Variants in MYO10 observed in about 807,000 individuals in gnomAD.
The protein encoded by MYO10 is myosin X.
MYO10 carries 133 observed loss-of-function variants against 257.3 expected under a neutral mutation model. That is an observed-to-expected ratio of 0.52 (90% CI 0.45 to 0.60). The LOEUF (loss-of-function observed/expected upper bound fraction) is 0.60, where lower values mean the gene tolerates loss of function less well. MYO10 is among the 20% of genes least tolerant of loss of function. The probability of loss-of-function intolerance (pLI) is 0.00; values close to 1 mark genes in which losing one functional copy is unlikely to be tolerated. For missense variants in MYO10, 2,399 were observed against 2,635.7 expected (o/e 0.91, Z 1.97); for synonymous variants, 1,104 against 1,028.6 (o/e 1.07, Z -1.40).
chr5:16,859,289 G>A (rs1161674591), intron 2 of MYO10, among the ~76,000 whole-genome samples: 1 of 152,176 alleles, frequency 6.6e-6, no homozygotes, highest in East Asian at 1.9e-4. Context: ...GTTCATAGAT[G>A]GGACCTTGTA....
intron 9 of MYO10, among the ~76,000 whole-genome samples, chr5:16,777,383 G>A (rs1741251097): frequency 6.6e-6 from 1 of 152,166 alleles, no homozygotes; most frequent in Non-Finnish European, 1.5e-5. Context: ...TCAACTTAAG[G>A]AGACACATGT....
At position 16,701,596 on chromosome 5, in the gene MYO10, T is replaced by C. The variant is rs946875708; in HGVS notation, c.2799A>G (p.Glu933=). The part of the protein sequence containing the change: ...RDQELRRLEE[E]ACRAAQEFLE... ...GGAACTCCTGGGCCGCCCTGCACGCTTCCTCCTCCAGCCTGCGGAGCTCCT... is the reference window on the plus strand; with the variant it reads ...GGAACTCCTGGGCCGCCCTGCACGCCTCCTCCTCCAGCCTGCGGAGCTCCT... The change falls in exon 25 of 41, where the codon GAA becomes GAG. Residue 933 remains glutamate (E), a synonymous_variant. Transcript: ENST00000513610. The surrounding 1 kb of genome is among the most constrained non-coding windows in gnomAD (Gnocchi z 8.1). 8 of 1,613,470 alleles carry C rather than the reference T, an allele frequency of 5.0e-6. No individual in the cohort carries two copies. Among genetic ancestry groups the C allele is most frequent in the Non-Finnish European group, 6.8e-6 (8 of 1,179,772 alleles).
At chr5:16,687,517 A>AAT (rs1008418604) in intron 28 of MYO10, among the ~76,000 whole-genome samples, 22 of 151,436 alleles carry the variant, frequency 1.5e-4, no homozygotes, top group African/African-American at 4.4e-4. Flanking sequence ...TAAGACACAA[A>AAT]ATATATATAT....
At chr5:16,720,145 A>G (rs773248973) in intron 19 of MYO10, among the ~76,000 whole-genome samples, 1 of 152,082 alleles carries the variant, frequency 6.6e-6, no homozygotes, top group African/African-American at 2.4e-5. Context: ...GGCCCTTCCC[A>G]GATTAGATCT....
Position 16,699,487 on chromosome 5 carries a change from G to A in MYO10, c.3519C>T (p.Val1173=). The A allele has an allele frequency of 6.2e-7, 1 of 1,613,842 alleles. No homozygotes were observed. The highest frequency in any genetic ancestry group is 8.5e-7 in the Non-Finnish European group (1 of 1,179,866). Residue 1173 remains valine (V), a synonymous_variant, in exon 26 of 41, where the codon GTC becomes GTT. Transcript: ENST00000513610. ...SYRRDSVYSC[V]TLPYFHSFLY... is the part of the protein sequence containing the mutation. The stretch of plus-strand genomic sequence containing the variant: ...GAAAGCTGTGGAAATACGGCAGAGT[G>A]ACACAGCTGTACACAGAGTCACGCC...
At chr5:16,690,004 T>A in intron 27 of MYO10, 85 bp from the exon 28 acceptor site, 2 of 986,780 alleles carry the variant, frequency 2.0e-6, no homozygotes, top group Non-Finnish European at 3.2e-6. Flanking sequence ...AGCCAATGAC[T>A]AGAGTTGGGA....
intron 4 of MYO10, among the ~76,000 whole-genome samples, 196 bp downstream of exon 4, chr5:16,794,450 G>A (rs77008474): frequency 0.019 from 2,945 of 151,392 alleles, 90 homozygotes; most frequent in African/African-American, 0.068. Context: ...CAAGCAACAT[G>A]GTCCATCTGC....
At chr5:16,687,495 G>T (rs964074023) in intron 28 of MYO10, among the ~76,000 whole-genome samples, 11 of 151,114 alleles carry the variant, frequency 7.3e-5, no homozygotes, top group African/African-American at 2.7e-4. Flanking sequence ...TCCTTCTCCT[G>T]CTGGGGGCTT....
At position 16,818,397 on chromosome 5, in the gene MYO10, T is replaced by TATATATATATATAC. The variant is rs1561000827; in HGVS notation, c.121-231_121-230insGTATATATATATAT. Among the ~76,000 whole-genome samples the TATATATATATATAC allele has an allele frequency of 1.1e-4, 13 of 113,748 alleles. 1 individual carries two copies. Among genetic ancestry groups the TATATATATATATAC allele is most frequent in the Middle Eastern group, 8.2e-3 (2 of 244 alleles). The allele number at this position is 113,748 out of a possible 152,430, so 74.6% of individuals were successfully genotyped here. A position where few individuals can be genotyped will look rare whatever the true frequency, so the allele number is the denominator to read the frequency against. On this transcript the variant is annotated intron_variant, in intron 2 of 40. Transcript: ENST00000513610. ...GTGTGTGTGCGTGTGTGTGTGTGTGTGTGTGTGTGTGTGTATATATATATA... is the reference window on the plus strand; with the variant it reads ...GTGTGTGTGCGTGTGTGTGTGTGTGTATATATATATATACGTGTGTGTGTGTGTATATATATATA...
At chr5:16,892,744 G>A (rs1022910363) in intron 1 of MYO10, among the ~76,000 whole-genome samples, 1 of 152,192 alleles carries the variant, frequency 6.6e-6, no homozygotes, top group Non-Finnish European at 1.5e-5. Flanking sequence ...GTCACATCCA[G>A]ATGGCTTTCA....
chr5:16,694,697 A>AG, intron 26 of MYO10, 83 bp from the exon 27 acceptor site: 1 of 1,553,094 alleles, frequency 6.4e-7, no homozygotes, highest in South Asian at 1.2e-5. Flanking sequence ...GCAGGTGTTA[A>AG]GGTCTAGCCG....
chr5:16,912,884 C>CAAG (rs1003630885), intron 1 of MYO10, among the ~76,000 whole-genome samples: 27 of 149,432 alleles, frequency 1.8e-4, no homozygotes, highest in African/African-American at 6.7e-4. Context: ...CAGCCTCCAG[C>CAAG]AAGTCAGGCT....
chr5:16,786,892 G>A (rs981808636), intron 4 of MYO10, among the ~76,000 whole-genome samples: 1 of 152,058 alleles, frequency 6.6e-6, no homozygotes, highest in African/African-American at 2.4e-5. Flanking sequence ...TTTTTGGCCG[G>A]GGGCAGTAGC....
intron 21 of MYO10, among the ~76,000 whole-genome samples, chr5:16,706,448 T>A (rs1378989549): frequency 6.6e-6 from 1 of 152,190 alleles, no homozygotes; most frequent in African/African-American, 2.4e-5. Flanking sequence ...TCATCAAGAC[T>A]GGACTTTTAA....
At chr5:16,725,191 A>G (rs1405611608) in intron 19 of MYO10, among the ~76,000 whole-genome samples, 1 of 145,804 alleles carries the variant, frequency 6.9e-6, no homozygotes, top group Non-Finnish European at 1.5e-5. Context: ...GGTTCAAGCG[A>G]TTCTCCTGCC....
chr5:16,841,780 A>G (rs1448906069), intron 2 of MYO10, among the ~76,000 whole-genome samples: 2 of 152,168 alleles, frequency 1.3e-5, no homozygotes, highest in African/African-American at 4.8e-5. Flanking sequence ...TTTCATTAAT[A>G]TGGCTTTTTT....
At chr5:16,792,102 C>G (rs1349742972) in intron 4 of MYO10, among the ~76,000 whole-genome samples, 3 of 117,878 alleles carry the variant, frequency 2.5e-5, no homozygotes, top group African/African-American at 9.0e-5. Flanking sequence ...GTTAGACACA[C>G]ACATACATAC....
intron 19 of MYO10, among the ~76,000 whole-genome samples, chr5:16,715,423 AG>A (rs1738818346): frequency 1.3e-5 from 1 of 78,450 alleles, no homozygotes; most frequent in Non-Finnish European, 2.4e-5. Flanking sequence ...TTTTTGAGAC[AG>A]GGTCTCGCTG....
In MYO10 at chr5:16,701,891, C is replaced by T. The variant is rs2126553306; in HGVS notation, c.2557-53G>A. ...GAAGGCTTCAGTACAAAAGTCCAAGCATAGCTCCCGCTTTGCAACCAGGAT... is the reference window on the plus strand; with the variant it reads ...GAAGGCTTCAGTACAAAAGTCCAAGTATAGCTCCCGCTTTGCAACCAGGAT... On this transcript the variant is annotated intron_variant, in intron 24 of 40. Transcript: ENST00000513610. The surrounding 1 kb of genome is among the most constrained non-coding windows in gnomAD (Gnocchi z 8.1). 1 of 1,530,082 alleles carries T rather than the reference C, an allele frequency of 6.5e-7. No individual in the cohort carries two copies. The highest frequency in any genetic ancestry group is 2.3e-5 in the East Asian group (1 of 44,402). The allele number at this position is 1,530,082 out of a possible 1,614,324, so 94.8% of individuals were successfully genotyped here. A position where few individuals can be genotyped will look rare whatever the true frequency, so the allele number is the denominator to read the frequency against.
Sources: gnomAD v4.1 joint callset for allele counts (sites outside exome capture counted in the v4.1 genomes callset) on GRCh38, gnomAD v4.1.1 for gene constraint, Gnocchi (gnomAD v3.1) non-coding constraint, MANE v1.5 for transcripts, NCBI Gene and HGNC (gene_info 2026-07-23, HGNC 2026-07-21) for gene names.